The following CACNA2D3 variants were observed in gnomAD, a reference collection of about 807,000 sequenced individuals.
CACNA2D3 encodes the protein calcium voltage-gated channel auxiliary subunit alpha2delta 3.
Under a neutral mutation model 160.6 loss-of-function variants are expected in CACNA2D3, and 60 were observed. The ratio of observed to expected loss-of-function variants is 0.37; its 90% CI spans 0.30 to 0.46. The LOEUF (loss-of-function observed/expected upper bound fraction) is 0.46. Ranked by LOEUF, CACNA2D3 falls within the 20% of genes least tolerant of loss-of-function variation. The pLI, the probability that CACNA2D3 is intolerant of heterozygous loss-of-function variation, is 1.00. For missense variants in CACNA2D3, 1,205 were observed against 1,365.0 expected, an observed-to-expected ratio of 0.88 and a Z score of 1.85; for synonymous variants, 558 against 492.9, an observed-to-expected ratio of 1.13 and a Z score of -1.75.
intron 9 of CACNA2D3, among the ~76,000 whole-genome samples, chr3:54,619,662 CTT>C (rs1698937808): frequency 6.6e-6 from 1 of 152,210 alleles, no homozygotes; most frequent in Admixed American, 6.5e-5. Flanking sequence ...TTCCTACCAG[CTT>C]TCTTCAGCCA....
chr3:54,325,516 C>T (rs1405747596), intron 3 of CACNA2D3, among the ~76,000 whole-genome samples: 1 of 152,158 alleles, frequency 6.6e-6, no homozygotes, highest in Admixed American at 6.6e-5. Flanking sequence ...AGAACCTCCT[C>T]TGGTCTTCTC....
At chr3:54,460,033 C>A (rs1700470701) in intron 4 of CACNA2D3, among the ~76,000 whole-genome samples, 1 of 151,970 alleles carries the variant, frequency 6.6e-6, no homozygotes, top group East Asian at 1.9e-4. Context: ...AATAGGGAAT[C>A]CTTTCCCCAT....
chr3:54,753,627 A>G (rs1701910491), intron 12 of CACNA2D3, among the ~76,000 whole-genome samples: 1 of 152,314 alleles, frequency 6.6e-6, no homozygotes, highest in Non-Finnish European at 1.5e-5. Context: ...TTAGTTTGAT[A>G]TGTTCTTATA....
chr3:54,353,518 T>C (rs974030070), intron 3 of CACNA2D3, among the ~76,000 whole-genome samples: 24 of 152,090 alleles, frequency 1.6e-4, no homozygotes, highest in Non-Finnish European at 1.3e-4. Context: ...TTGATTATCA[T>C]TGGAGTTTGG....
chr3:54,560,701 A>C (rs1358813523), intron 5 of CACNA2D3, among the ~76,000 whole-genome samples: 1 of 152,010 alleles, frequency 6.6e-6, no homozygotes, highest in Non-Finnish European at 1.5e-5. Flanking sequence ...GGGTTTTTAT[A>C]GTTTTGGGTT....
At chr3:54,822,782 C>CT (rs1207812302) in intron 14 of CACNA2D3, among the ~76,000 whole-genome samples, 1,294 of 77,536 alleles carry the variant, frequency 0.017, 28 homozygotes, top group Admixed American at 0.029. Flanking sequence ...TTCTTTCTTT[C>CT]TTTCTTTCCT....
At chr3:55,071,927 A>ATTGT (rs1188297956) in intron 35 of CACNA2D3, among the ~76,000 whole-genome samples, 2 of 152,180 alleles carry the variant, frequency 1.3e-5, no homozygotes, top group Admixed American at 1.3e-4. Flanking sequence ...AAAGGTGGAA[A>ATTGT]TTGTTGGTTC....
chr3:54,690,966 G>A (rs145579919), intron 11 of CACNA2D3, among the ~76,000 whole-genome samples: 221 of 152,196 alleles, frequency 1.5e-3, no homozygotes, highest in African/African-American at 5.0e-3. Flanking sequence ...TCTATTTTAT[G>A]GTGGTGTGTG....
chr3:54,931,121 A>G (rs1471800794), intron 27 of CACNA2D3, among the ~76,000 whole-genome samples: 2 of 152,302 alleles, frequency 1.3e-5, no homozygotes, highest in African/African-American at 2.4e-5. Flanking sequence ...ACAAAGTGGC[A>G]TCTCTTACTA....
At chr3:54,385,728 G>A (rs1235320529) in intron 3 of CACNA2D3, among the ~76,000 whole-genome samples, 1 of 152,142 alleles carries the variant, frequency 6.6e-6, no homozygotes, top group Non-Finnish European at 1.5e-5. Context: ...ACCGTTTAGA[G>A]ATTAATATTA....
At chr3:54,883,829 T>TCTCTCTCTCTCTCTCTCTCTCTCTCC (rs753661413) in intron 21 of CACNA2D3, among the ~76,000 whole-genome samples, 12 of 145,802 alleles carry the variant, frequency 8.2e-5, no homozygotes, top group African/African-American at 2.8e-4. Context: ...CTCTCCTCTC[T>TCTCTCTCTCTCTCTCTCTCTCTCTCC]CTCCCTTCAA....
chr3:54,652,228 C>T (rs188806286), intron 11 of CACNA2D3, among the ~76,000 whole-genome samples: 1 of 146,960 alleles, frequency 6.8e-6, no homozygotes, highest in East Asian at 2.0e-4. Context: ...GCAAACGTTG[C>T]TGGCAGCGGA....
At chr3:54,659,435 T>G (rs955376872) in intron 11 of CACNA2D3, among the ~76,000 whole-genome samples, 1 of 152,178 alleles carries the variant, frequency 6.6e-6, no homozygotes, top group Non-Finnish European at 1.5e-5. Context: ...AAAACTGAGT[T>G]GAGAGCAGGT....
Position 54,541,048 on chromosome 3 carries a change from T to C in CACNA2D3, c.545-21752T>C, listed in dbSNP as rs374238120. On this transcript the variant is annotated intron_variant, in intron 5 of 37. Transcript: ENST00000474759. ...ATCCCAGCACTTTGGGAGGCCAAGG[T>C]GGGCAGATCACGAGGTCAGGATATT... is the stretch of plus-strand genomic sequence containing the variant. Among the ~76,000 whole-genome samples, 32 of 151,728 alleles carry C rather than the reference T, an allele frequency of 2.1e-4. No homozygotes were observed. In the East Asian group the frequency reaches 2.7e-3, roughly 13 times the overall value.
At chr3:54,729,043 C>G (rs1701332249) in intron 11 of CACNA2D3, among the ~76,000 whole-genome samples, 1 of 152,120 alleles carries the variant, frequency 6.6e-6, no homozygotes, top group African/African-American at 2.4e-5. Context: ...TTTTCTGTAG[C>G]CTGAACCCAT....
chr3:54,873,402 T>A (rs1376409723), intron 18 of CACNA2D3, among the ~76,000 whole-genome samples: 1 of 151,324 alleles, frequency 6.6e-6, no homozygotes, highest in Admixed American at 6.6e-5. Flanking sequence ...TTTTTTGTTG[T>A]TTGCTTGTTT....
intron 11 of CACNA2D3, among the ~76,000 whole-genome samples, chr3:54,705,573 T>C (rs151238860): frequency 7.7e-4 from 117 of 152,302 alleles, no homozygotes; most frequent in African/African-American, 2.5e-3. Flanking sequence ...AGATAACACA[T>C]TGACAGACTT....
intron 3 of CACNA2D3, among the ~76,000 whole-genome samples, chr3:54,347,233 G>A (rs1698475644): frequency 6.6e-6 from 1 of 152,204 alleles, no homozygotes; most frequent in South Asian, 2.1e-4. Flanking sequence ...GGAAGGAGCT[G>A]CAGGGAGGGA....
intron 11 of CACNA2D3, among the ~76,000 whole-genome samples, chr3:54,749,967 G>T (rs1701828312): frequency 3.9e-5 from 6 of 152,238 alleles, no homozygotes; most frequent in Admixed American, 3.9e-4. Context: ...TGGTAGGACT[G>T]TGCTGGTGAG....
Sources: gnomAD v4.1 joint callset for allele counts (sites outside exome capture counted in the v4.1 genomes callset) on GRCh38, gnomAD v4.1.1 for gene constraint, MANE v1.5 for transcripts, NCBI Gene and HGNC (gene_info 2026-07-23, HGNC 2026-07-21) for gene names.